The following SGSM1 variants were observed in gnomAD, a reference collection of about 807,000 sequenced individuals.
The protein encoded by SGSM1 is small G protein signaling modulator 1.
A neutral mutation model predicts 133.8 loss-of-function variants in SGSM1; 73 were observed. The ratio of observed to expected loss-of-function variants is 0.55; its 90% CI spans 0.45 to 0.66. The LOEUF is 0.66. Among genes scored for constraint, SGSM1 ranks in the 30% least tolerant of loss-of-function variants. SGSM1 has a pLI of 0.00. For missense variants in SGSM1, 1,213 were observed against 1,448.1 expected (o/e 0.84, Z 2.64); for synonymous variants, 563 against 573.0 (o/e 0.98, Z 0.25).
At chr22:24,861,956 C>CTT (rs551010251) in intron 9 of SGSM1, among the ~76,000 whole-genome samples, 2 of 116,528 alleles carry the variant, frequency 1.7e-5, no homozygotes, top group Non-Finnish European at 1.8e-5. Context: ...TTCTTTCTTT[C>CTT]TTTTTTTTTT....
At chr22:24,919,206 CCTGA>C (rs774968639) in intron 23 of SGSM1, among the ~76,000 whole-genome samples, 1 of 151,452 alleles carries the variant, frequency 6.6e-6, no homozygotes, top group Non-Finnish European at 1.5e-5. Context: ...TGCCACCATG[CCTGA>C]CTAATTTTTT....
intron 12 of SGSM1, among the ~76,000 whole-genome samples, chr22:24,872,679 G>A (rs1182714150): frequency 1.3e-5 from 2 of 152,068 alleles, no homozygotes; most frequent in African/African-American, 2.4e-5. Context: ...AGCACTTTGC[G>A]GGGCCGAGGC....
At chr22:24,904,059 G>C (rs1248798197) in intron 20 of SGSM1, among the ~76,000 whole-genome samples, 1 of 151,558 alleles carries the variant, frequency 6.6e-6, no homozygotes, top group East Asian at 1.9e-4. Flanking sequence ...ATATATCCTT[G>C]AGTAAGGCCT....
intron 18 of SGSM1, among the ~76,000 whole-genome samples, chr22:24,896,603 G>GT (rs1932919451): frequency 2.0e-5 from 3 of 146,712 alleles, no homozygotes; most frequent in African/African-American, 8.1e-5. Context: ...AAAGTAATAG[G>GT]GTTTTTTTAT....
At chr22:24,864,435 C>T (rs980562055) in intron 9 of SGSM1, among the ~76,000 whole-genome samples, 6 of 152,218 alleles carry the variant, frequency 3.9e-5, no homozygotes, top group Admixed American at 6.5e-5. Flanking sequence ...TGCCCATCAA[C>T]TGAAGAACGG....
rs757643471 is a variant in SGSM1 at position 24,811,868 on chromosome 22, CA to C, written c.63+5401del. Reference sequence around the variant, plus strand: ...AAGGCAACAGAGCGAGACCCTGTCTCAAAAAAAAAAAAAAAAATTATGACCA... The same window carrying C: ...AAGGCAACAGAGCGAGACCCTGTCTCAAAAAAAAAAAAAAAATTATGACCA... On this transcript the variant is annotated intron_variant, in intron 2 of 24. Transcript: ENST00000400358. 4.4e-3 allele frequency among the ~76,000 whole-genome samples: 537 copies of C among 122,016 alleles called. 2 individuals carry two copies. The highest frequency in any genetic ancestry group is 0.027 in the South Asian group (95 of 3,464). 80.0% of individuals were successfully genotyped at this position (122,016 alleles called of 152,430 possible).
chr22:24,835,943 A>T (rs1929402305), intron 2 of SGSM1, among the ~76,000 whole-genome samples: 1 of 152,196 alleles, frequency 6.6e-6, no homozygotes, highest in East Asian at 1.9e-4. Flanking sequence ...AACATATACC[A>T]TATGCACATT....
At chr22:24,918,444 C>T (rs1409419198) in intron 23 of SGSM1, among the ~76,000 whole-genome samples, 5 of 147,554 alleles carry the variant, frequency 3.4e-5, no homozygotes, top group African/African-American at 1.0e-4. Context: ...TGCAGTGAGC[C>T]GAGATAACAC....
chr22:24,910,032 A>C (rs1414713236), intron 21 of SGSM1, among the ~76,000 whole-genome samples: 1 of 152,224 alleles, frequency 6.6e-6, no homozygotes, highest in Non-Finnish European at 1.5e-5. Flanking sequence ...TGATGTTCTG[A>C]TGCAAACTAC....
intron 15 of SGSM1, among the ~76,000 whole-genome samples, chr22:24,884,465 G>A (rs1315653933): frequency 1.3e-5 from 2 of 152,172 alleles, no homozygotes; most frequent in African/African-American, 2.4e-5. Context: ...TTATTATTAA[G>A]CATCAGCTGG....
Position 24,893,609 on chromosome 22 carries a change from A to G in SGSM1, c.1949A>G (p.Asn650Ser). 1.3e-6 allele frequency: 2 copies of G among 1,564,384 alleles called. No homozygotes were observed. Among genetic ancestry groups the G allele is most frequent in the Non-Finnish European group, 8.7e-7 (1 of 1,155,982 alleles). ...RMLHRDSTIS[N>S]ESSQSCSSGR... is the part of the protein sequence containing the mutation. ...TTGCACAGGGACTCAACCATCAGCA[A>G]TGAGGTGATGGGCGGCTGGCCTCGG... The change falls in exon 17 of 25, where the codon AAT becomes AGT. Residue 650 changes from asparagine (N) to serine (S), a missense_variant. Physicochemically the swap from Asn to Ser is conservative, Grantham distance 46 (BLOSUM62 1). Transcript: ENST00000400358.
chr22:24,864,444 G>C (rs555148465), intron 9 of SGSM1, among the ~76,000 whole-genome samples: 63 of 152,306 alleles, frequency 4.1e-4, no homozygotes, highest in Non-Finnish European at 1.2e-4. Flanking sequence ...ACTGAAGAAC[G>C]GATGTAGACA....
chr22:24,848,492 A>T (rs1930277946), intron 4 of SGSM1, among the ~76,000 whole-genome samples: 1 of 151,854 alleles, frequency 6.6e-6, no homozygotes, highest in African/African-American at 2.4e-5. Flanking sequence ...CATCTTGGTG[A>T]CTGGTGGTAT....
At chr22:24,868,626 A>G (rs1278829218) in intron 11 of SGSM1, 87 bp downstream of exon 11, 2 of 1,609,974 alleles carry the variant, frequency 1.2e-6, no homozygotes, top group Admixed American at 1.7e-5. Flanking sequence ...TTATGTGGCT[A>G]TGTGGCCTCA....
intron 9 of SGSM1, among the ~76,000 whole-genome samples, chr22:24,860,627 G>C (rs1464943728): frequency 6.6e-6 from 1 of 151,992 alleles, no homozygotes; most frequent in Non-Finnish European, 1.5e-5. Flanking sequence ...TCTGGGCCGG[G>C]TGTGGTGGCT....
chr22:24,846,931 C>A (rs1203718232), intron 3 of SGSM1, among the ~76,000 whole-genome samples: 1 of 151,944 alleles, frequency 6.6e-6, no homozygotes, highest in Admixed American at 6.6e-5. Flanking sequence ...AGCTCCACCT[C>A]CCAGGTTCAT....
At chr22:24,855,708 T>C in intron 8 of SGSM1, 28 bp downstream of exon 8, 1 of 1,613,958 alleles carries the variant, frequency 6.2e-7, no homozygotes, top group Non-Finnish European at 8.5e-7. Context: ...GCCTAGATCT[T>C]GCACTGAGGG....
chr22:24,861,813 G>A (rs974339200), intron 9 of SGSM1, among the ~76,000 whole-genome samples: 6 of 150,370 alleles, frequency 4.0e-5, no homozygotes, highest in African/African-American at 1.5e-4. Flanking sequence ...GCCTCTCAAG[G>A]TTATTTTTAT....
intron 16 of SGSM1, among the ~76,000 whole-genome samples, chr22:24,893,059 A>C (rs1054733133): frequency 4.7e-5 from 7 of 149,928 alleles, no homozygotes; most frequent in Admixed American, 3.3e-4. Flanking sequence ...GTCAAGAAAG[A>C]AAGGAAGGAA....
Sources: allele counts gnomAD v4.1 joint callset (sites outside exome capture counted in the v4.1 genomes callset), GRCh38; gene constraint gnomAD v4.1.1; transcripts MANE v1.5; gene names NCBI Gene and HGNC (gene_info 2026-07-23, HGNC 2026-07-21).